TRIM3: variants seen among roughly 807,000 people sequenced by gnomAD.
TRIM3 encodes tripartite motif containing 3, also known as tripartite motif-containing protein 3.
In TRIM3, 13 loss-of-function variants were observed where a neutral mutation model predicts 66.6. That is an observed-to-expected ratio of 0.20 (90% confidence interval 0.13 to 0.31). TRIM3 has a LOEUF of 0.31. Ranked by LOEUF, TRIM3 falls within the 10% of genes least tolerant of loss-of-function variation. The probability of loss-of-function intolerance (pLI) is 1.00; values close to 1 mark genes in which losing one functional copy is unlikely to be tolerated. For synonymous variants in TRIM3, 406 were observed against 411.7 expected (o/e 0.99, Z 0.17); for missense variants, 711 against 1,020.4 (o/e 0.70, Z 4.13).
At chr11:6,454,585 T>C (rs1398986873) in intron 7 of TRIM3, among the ~76,000 whole-genome samples, 2 of 151,932 alleles carry the variant, frequency 1.3e-5, no homozygotes, top group Admixed American at 6.6e-5. Context: ...TGTAACTGAG[T>C]AGGGAACTGA....
chr11:6,449,579 T>G lies in TRIM3; in HGVS notation c.1942-133A>C, dbSNP rs998785269. The G allele has an allele frequency of 8.8e-6, 7 of 799,416 alleles. No individual in the cohort carries two copies. Among genetic ancestry groups the G allele is most frequent in the Non-Finnish European group, 1.4e-5 (7 of 512,728 alleles). 49.5% of individuals were successfully genotyped at this position (799,416 alleles called of 1,614,324 possible). On this transcript the variant is annotated intron_variant, in intron 10 of 11. Coordinates refer to ENST00000345851, the MANE Select transcript of TRIM3 (RefSeq NM_033278.4). The surrounding 1 kb of genome is among the most constrained non-coding windows in gnomAD (Gnocchi z 5.3). ...ACAGCTACAGCCCAAATCTGCTTCA[T>G]AGGCTTCACATCCATGTGCCCTACT...
intron 2 of TRIM3, among the ~76,000 whole-genome samples, chr11:6,462,599 G>C (rs535174150): frequency 6.6e-6 from 1 of 151,960 alleles, no homozygotes; most frequent in South Asian, 2.1e-4. Flanking sequence ...TTTAGAGACT[G>C]CATCTCACTA....
chr11:6,472,590 T>C (rs59935341), intron 1 of TRIM3, among the ~76,000 whole-genome samples: 4,358 of 152,340 alleles, frequency 0.029, 217 homozygotes, highest in African/African-American at 0.099. Context: ...TCGGCAAGAA[T>C]GCCATTGTCT....
At chr11:6,455,922 G>C (rs1056805891) in intron 7 of TRIM3, 150 bp downstream of exon 7, 4 of 774,714 alleles carry the variant, frequency 5.2e-6, no homozygotes, top group South Asian at 1.7e-5. Flanking sequence ...GGTGCGTAAG[G>C]GGTGATCCTT....
intron 2 of TRIM3, 29 bp downstream of exon 2, chr11:6,465,536 A>T: frequency 6.2e-7 from 1 of 1,613,332 alleles, no homozygotes; most frequent in Non-Finnish European, 8.5e-7. Context: ...CAGGGTCCTC[A>T]TCCCTCCCCA....
At position 6,449,215 on chromosome 11, in the gene TRIM3, G is replaced by C. The variant is rs1564960012; in HGVS notation, c.2083-35C>G. 6.2e-7 allele frequency: 1 copy of C among 1,611,618 alleles called. No homozygotes were observed. The highest frequency in any genetic ancestry group is 8.5e-7 in the Non-Finnish European group (1 of 1,177,808). ...GAGTGCAGAAAGGAGGGAGAGGCAA[G>C]ATCAGGCAGATGAGAGTCTGTTTTG... On this transcript the variant is annotated intron_variant, in intron 11 of 11. Transcript: ENST00000345851. This position sits in a 1 kb window ranked among gnomAD's most constrained non-coding sequence, Gnocchi z 5.3.
In TRIM3 at chr11:6,450,694, A is replaced by G. The variant is rs1849684103; in HGVS notation, c.1871-73T>C. 1.3e-6 allele frequency: 2 copies of G among 1,513,390 alleles called. No individual in the cohort carries two copies. The highest frequency in any genetic ancestry group is 1.8e-6 in the Non-Finnish European group (2 of 1,089,752). 93.7% of individuals were successfully genotyped at this position (1,513,390 alleles called of 1,614,324 possible). On this transcript the variant is annotated intron_variant, in intron 9 of 11. Coordinates refer to ENST00000345851, the MANE Select transcript of TRIM3 (RefSeq NM_033278.4). The surrounding 1 kb of genome is among the most constrained non-coding windows in gnomAD (Gnocchi z 4.8). ...GGGATGGGGAAGAGTATCTGGGAAG[A>G]TAAAAGCTAGGGTGTTAGGAGAGGG...
At position 6,458,329 on chromosome 11, in the gene TRIM3, G is replaced by C. The variant is rs1399868679; in HGVS notation, c.132-33C>G. On this transcript the variant is annotated intron_variant, in intron 2 of 11. Transcript: ENST00000345851. This position sits in a 1 kb window ranked among gnomAD's most constrained non-coding sequence, Gnocchi z 6.2. ...GGAAGGAGAGTCAAAGAACAGAGTGGGTGGGGTGGCATAAGTGCACCCTTC... is the reference window on the plus strand; with the variant it reads ...GGAAGGAGAGTCAAAGAACAGAGTGCGTGGGGTGGCATAAGTGCACCCTTC... 6.3e-7 allele frequency: 1 copy of C among 1,578,572 alleles called. No individual in the cohort carries two copies. The highest frequency in any genetic ancestry group is 1.7e-5 in the Admixed American group (1 of 59,124).
intron 1 of TRIM3, among the ~76,000 whole-genome samples, chr11:6,466,508 A>T (rs1850475764): frequency 6.6e-6 from 1 of 151,610 alleles, no homozygotes; most frequent in African/African-American, 2.4e-5. Context: ...CAAAGTCCTT[A>T]TATTGACCAG....
rs1813733589 is a variant in TRIM3 at position 6,451,022 on chromosome 11, T to C, written c.1740A>G (p.Gly580=). 1 of 1,613,992 alleles carries C rather than the reference T, an allele frequency of 6.2e-7. No homozygotes were observed. The highest frequency in any genetic ancestry group is 1.3e-5 in the African/African-American group (1 of 74,880). Residue 580 remains glycine (G), a synonymous_variant, in exon 9 of 12, where the codon GGA becomes GGG. Transcript: ENST00000345851. ...IGAGRLMGPK[G]VAVDRNGHII... is the part of the protein sequence containing the mutation. ...TATGTCCATTCCGGTCTACGGCCAC[T>C]CCCTTGGGGCCCATGAGGCGGCCAG...
rs761171625 is a variant in TRIM3, at chr11:6,449,437, C to A, written c.1951G>T (p.Ala651Ser). 1 of 1,613,510 alleles carries A rather than the reference C, an allele frequency of 6.2e-7. No homozygotes were observed. Among genetic ancestry groups the A allele is most frequent in the Admixed American group, 1.7e-5 (1 of 59,956 alleles). Residue 651 changes from alanine to serine, a missense_variant, in exon 11 of 12, where the codon GCC (alanine) becomes TCC (serine). Ala to Ser is a moderately conservative substitution (Grantham distance 99). This residue lies in a region of TRIM3 where 163 missense variants were observed against 321.9 expected (regional missense o/e 0.51). Transcript: ENST00000345851. This position sits in a 1 kb window ranked among gnomAD's most constrained non-coding sequence, Gnocchi z 5.3. ...FHNHSVKVYS[A>S]DGEFLFKFGS... The stretch of plus-strand genomic sequence containing the variant: ...AACTTGAAGAGGAACTCTCCATCGG[C>A]ACTGTACACCTGGCGGGGGAAGGGG...
rs1849607013 is a variant in TRIM3 at position 6,448,878 on chromosome 11, G to T, written c.*150C>A. On this transcript the variant is annotated 3_prime_UTR_variant, in exon 12 of 12. Transcript: ENST00000345851. ...CGAATAAATAAAGTGCAACCGTGGGGGTGGGGGTAGGAGAGGGAGGGCACC... is the reference window on the plus strand; with the variant it reads ...CGAATAAATAAAGTGCAACCGTGGGTGTGGGGGTAGGAGAGGGAGGGCACC... 2.2e-6 allele frequency: 2 copies of T among 902,804 alleles called. No homozygotes were observed. Among genetic ancestry groups the T allele is most frequent in the Non-Finnish European group, 3.5e-6 (2 of 572,054 alleles). The allele number at this position is 902,804 out of a possible 1,614,324, so 55.9% of individuals were successfully genotyped here.
intron 1 of TRIM3, chr11:6,473,058 C>T (rs986765229): frequency 6.5e-6 from 1 of 152,718 alleles, no homozygotes; most frequent in Non-Finnish European, 1.5e-5. Context: ...AGAACAAGCC[C>T]AGGGCCTGCC....
At chr11:6,451,150 G>GA (rs1244590741) in intron 8 of TRIM3, 90 bp from the exon 9 acceptor site, 1 of 1,589,290 alleles carries the variant, frequency 6.3e-7, no homozygotes, top group African/African-American at 1.3e-5. Context: ...TTGGGCTGGG[G>GA]AAAGAACAGG....
chr11:6,465,533 C>T (rs745581812), intron 2 of TRIM3, 32 bp downstream of exon 2: 4 of 1,613,370 alleles, frequency 2.5e-6, no homozygotes, highest in Admixed American at 1.7e-5. Flanking sequence ...CCACAGGGTC[C>T]TCATCCCTCC....
chr11:6,453,783 C>T (rs1849840570), intron 7 of TRIM3, among the ~76,000 whole-genome samples: 1 of 152,186 alleles, frequency 6.6e-6, no homozygotes, highest in African/African-American at 2.4e-5. Flanking sequence ...GTGAGGTCTG[C>T]CTCATCCTCC....
chr11:6,450,724 G>C lies in TRIM3; in HGVS notation c.1871-103C>G. 1 of 1,401,478 alleles carries C rather than the reference G, an allele frequency of 7.1e-7. No homozygotes were observed. The highest frequency in any genetic ancestry group is 2.3e-5 in the East Asian group (1 of 43,606). The allele number at this position is 1,401,478 out of a possible 1,614,324, so 86.8% of individuals were successfully genotyped here. On this transcript the variant is annotated intron_variant, in intron 9 of 11. Coordinates refer to ENST00000345851, the MANE Select transcript of TRIM3 (RefSeq NM_033278.4). This position sits in a 1 kb window ranked among gnomAD's most constrained non-coding sequence, Gnocchi z 4.8. The stretch of plus-strand genomic sequence containing the variant: ...AGCTAGGGTGTTAGGAGAGGGGTGG[G>C]GTCTCCAGGACTGAGACAAATTATT...
chr11:6,448,893 G>A lies in TRIM3; in HGVS notation c.*135C>T. 2.7e-6 allele frequency: 3 copies of A among 1,093,842 alleles called. No individual in the cohort carries two copies. Among genetic ancestry groups the A allele is most frequent in the South Asian group, 1.4e-5 (1 of 71,186 alleles). The allele number at this position is 1,093,842 out of a possible 1,614,324, so 67.8% of individuals were successfully genotyped here. A position where few individuals can be genotyped will look rare whatever the true frequency, so the allele number is the denominator to read the frequency against. ...CAACCGTGGGGGTGGGGGTAGGAGA[G>A]GGAGGGCACCGGGTGCACCCATGCC... On this transcript the variant is annotated 3_prime_UTR_variant, in exon 12 of 12. Coordinates refer to ENST00000345851, the MANE Select transcript of TRIM3 (RefSeq NM_033278.4).
chr11:6,463,161 C>T (rs969742973), intron 2 of TRIM3, among the ~76,000 whole-genome samples: 10 of 151,746 alleles, frequency 6.6e-5, no homozygotes, highest in African/African-American at 2.2e-4. Flanking sequence ...GCCAAGATGG[C>T]GCCACTGCAC....
Sources: gnomAD v4.1 joint callset for allele counts (sites outside exome capture counted in the v4.1 genomes callset) on GRCh38, gnomAD v4.1.1 for gene constraint, gnomAD v4.1.1 regional missense constraint, Gnocchi (gnomAD v3.1) non-coding constraint, MANE v1.5 for transcripts, NCBI Gene and HGNC (gene_info 2026-07-23, HGNC 2026-07-21) for gene names.